The following FUT8 variants were observed in gnomAD, a reference collection of about 807,000 sequenced individuals.
FUT8 encodes the protein fucosyltransferase 8, also known as alpha-(1,6)-fucosyltransferase.
In FUT8, 29 loss-of-function variants were observed where a neutral mutation model predicts 71.3. The observed-to-expected ratio is 0.41, with a 90% CI of 0.30 to 0.55. FUT8 has a LOEUF of 0.55. FUT8 is among the 20% of genes least tolerant of loss of function. The pLI is 0.34. For synonymous variants in FUT8, 254 were observed against 239.3 expected, an observed-to-expected ratio of 1.06 and a Z score of -0.57; for missense variants, 544 against 702.1, an observed-to-expected ratio of 0.77 and a Z score of 2.55.
At chr14:65,440,007 G>A (rs2065629631) in intron 1 of FUT8, among the ~76,000 whole-genome samples, 1 of 113,754 alleles carries the variant, frequency 8.8e-6, no homozygotes, top group African/African-American at 3.2e-5. Flanking sequence ...CACACACAGT[G>A]GAATACTGTT....
intron 3 of FUT8, among the ~76,000 whole-genome samples, chr14:65,576,737 T>TTTTTTTTTTTA (rs1886806199): frequency 1.1e-5 from 1 of 92,858 alleles, no homozygotes; most frequent in African/African-American, 3.8e-5. Context: ...TTTTTTTTTT[T>TTTTTTTTTTTA]GAGACAGAGT....
intron 1 of FUT8, among the ~76,000 whole-genome samples, chr14:65,421,568 A>G (rs2065295267): frequency 6.6e-6 from 1 of 152,178 alleles, no homozygotes; most frequent in Non-Finnish European, 1.5e-5. Context: ...GTCTTGAACA[A>G]TCAGACAGTC....
intron 2 of FUT8, among the ~76,000 whole-genome samples, chr14:65,503,885 A>G (rs952325630): frequency 6.6e-6 from 1 of 152,346 alleles, no homozygotes; most frequent in South Asian, 2.1e-4. Context: ...GATCCTTAAC[A>G]AAGCATTTTG....
chr14:65,519,343 T>C (rs1443025788), intron 2 of FUT8, among the ~76,000 whole-genome samples: 1 of 152,238 alleles, frequency 6.6e-6, no homozygotes, highest in Non-Finnish European at 1.5e-5. Context: ...AAAGATGTTC[T>C]AATTTACCTA....
intron 2 of FUT8, among the ~76,000 whole-genome samples, chr14:65,486,653 A>T (rs1005285794): frequency 6.6e-6 from 1 of 152,216 alleles, no homozygotes; most frequent in Non-Finnish European, 1.5e-5. Context: ...GCTTTGCTTG[A>T]ATAGAAAGAG....
At chr14:65,677,004 C>T (rs1892746034) in intron 7 of FUT8, among the ~76,000 whole-genome samples, 1 of 151,714 alleles carries the variant, frequency 6.6e-6, no homozygotes, top group South Asian at 2.1e-4. Context: ...TAATAAAGTC[C>T]GTGATCTTTA....
intron 5 of FUT8, among the ~76,000 whole-genome samples, chr14:65,618,436 A>G (rs775539854): frequency 4.6e-5 from 7 of 152,244 alleles, no homozygotes; most frequent in Admixed American, 6.5e-5. Context: ...CAAAAATGGT[A>G]AGTAAAGGTA....
At chr14:65,659,396 G>A (rs1268282407) in intron 6 of FUT8, among the ~76,000 whole-genome samples, 1 of 152,090 alleles carries the variant, frequency 6.6e-6, no homozygotes, top group Non-Finnish European at 1.5e-5. Flanking sequence ...GACAAGTGCT[G>A]TAAGTACCAG....
In FUT8 at chr14:65,595,633, G is replaced by A. The variant is rs140564233; in HGVS notation, c.204-20345G>A. ...TTTTTTTTTTTTTTTTTTTGAGACG[G>A]AGTCTCTCTCTGTCACCCAGGCTGG... is the stretch of plus-strand genomic sequence containing the variant. On this transcript the variant is annotated intron_variant, in intron 3 of 10. Transcript: ENST00000673929. Among the ~76,000 whole-genome samples, 757 of 118,702 alleles carry A rather than the reference G, an allele frequency of 6.4e-3. 29 individuals are homozygous for A. In the East Asian group the frequency reaches 0.11, roughly 17 times the overall value. 77.9% of individuals were successfully genotyped at this position (118,702 alleles called of 152,430 possible).
At chr14:65,384,400 A>G in the FUT8 span, among the ~76,000 whole-genome samples, 1 of 152,158 alleles carries the variant, frequency 6.6e-6, no homozygotes, top group Non-Finnish European at 1.5e-5. This position sits in a 1 kb window ranked among gnomAD's most constrained non-coding sequence, Gnocchi z 4.2. Context: ...GGCATGCACC[A>G]CCATGCCTGA....
chr14:65,406,271 T>C (rs2065088743), upstream of FUT8, among the ~76,000 whole-genome samples: 1 of 152,216 alleles, frequency 6.6e-6, no homozygotes, highest in Non-Finnish European at 1.5e-5. Flanking sequence ...TACAACCCCA[T>C]GAGCTAGGGG....
intron 7 of FUT8, among the ~76,000 whole-genome samples, chr14:65,675,004 G>T (rs1468971016): frequency 6.6e-6 from 1 of 152,128 alleles, no homozygotes; most frequent in Admixed American, 6.6e-5. Context: ...CTACTTATGG[G>T]CCACAAAAGA....
chr14:65,655,202 G>A (rs1001704373), intron 6 of FUT8, among the ~76,000 whole-genome samples: 5 of 151,826 alleles, frequency 3.3e-5, no homozygotes, highest in African/African-American at 9.7e-5. Context: ...GGCTGGGCAC[G>A]GTTGCTCACG....
chr14:65,614,548 G>T (rs1374316341), intron 3 of FUT8, among the ~76,000 whole-genome samples: 2 of 152,212 alleles, frequency 1.3e-5, no homozygotes, highest in Non-Finnish European at 2.9e-5. Flanking sequence ...AGGAGGGCTG[G>T]ATTCCCTAGA....
At position 65,481,995 on chromosome 14, in the gene FUT8, C is replaced by T. The variant is rs528396428; in HGVS notation, c.-228+26277C>T. ...AATTATGATGAAATTTGTTTGTTCTCATATGGATTGTGTTTATCTATCAGT... is the reference window on the plus strand; with the variant it reads ...AATTATGATGAAATTTGTTTGTTCTTATATGGATTGTGTTTATCTATCAGT... On this transcript the variant is annotated intron_variant, in intron 2 of 10. Coordinates refer to ENST00000673929, the MANE Select transcript of FUT8 (RefSeq NM_001371533.1). 2.0e-5 allele frequency among the ~76,000 whole-genome samples: 3 copies of T among 152,200 alleles called. No individual in the cohort carries two copies. The East Asian group carries it at 5.8e-4, about 29-fold the overall frequency.
intron 6 of FUT8, among the ~76,000 whole-genome samples, chr14:65,665,679 A>G (rs1782060718): frequency 6.6e-6 from 1 of 152,264 alleles, no homozygotes; most frequent in Middle Eastern, 3.4e-3. Context: ...CATGGAATCA[A>G]CCTAAATGCC....
At chr14:65,482,629 A>G (rs1051419756) in intron 2 of FUT8, among the ~76,000 whole-genome samples, 7 of 152,134 alleles carry the variant, frequency 4.6e-5, no homozygotes, top group Non-Finnish European at 1.0e-4. Context: ...ATGGCTTTAT[A>G]AGTCATGAAA....
At chr14:65,594,313 G>A (rs143971176) in intron 3 of FUT8, among the ~76,000 whole-genome samples, 2 of 152,318 alleles carry the variant, frequency 1.3e-5, no homozygotes, top group Non-Finnish European at 2.9e-5. Context: ...GCAGGAGGGA[G>A]CATGCAAGTG....
intron 7 of FUT8, among the ~76,000 whole-genome samples, chr14:65,677,156 G>GCGCGCGCACGCGCGCGCA (rs1343783204): frequency 1.7e-5 from 2 of 115,678 alleles, no homozygotes; most frequent in African/African-American, 8.8e-5. Context: ...GTGTGTGCGC[G>GCGCGCGCACGCGCGCGCA]CGCGCATGCG....
Sources: gnomAD v4.1 joint callset for allele counts (sites outside exome capture counted in the v4.1 genomes callset) on GRCh38, gnomAD v4.1.1 for gene constraint, Gnocchi (gnomAD v3.1) non-coding constraint, MANE v1.5 for transcripts, NCBI Gene and HGNC (gene_info 2026-07-23, HGNC 2026-07-21) for gene names.